AFF3: variants seen among roughly 807,000 people sequenced by gnomAD.
The protein encoded by AFF3 is AF4/FMR2 family member 3.
AFF3 carries 32 observed loss-of-function variants against 129.7 expected under a neutral mutation model. The observed-to-expected ratio is 0.25, with a 90% CI of 0.19 to 0.33. The LOEUF is 0.33. AFF3 is among the 10% of genes least tolerant of loss of function. The probability of loss-of-function intolerance (pLI) is 1.00; values close to 1 mark genes in which losing one functional copy is unlikely to be tolerated. For missense variants in AFF3, 1,373 were observed against 1,592.0 expected (o/e 0.86, Z 2.34); for synonymous variants, 644 against 635.4 (o/e 1.01, Z -0.20).
intron 4 of AFF3, among the ~76,000 whole-genome samples, chr2:100,083,541 G>C (rs1339235086): frequency 6.6e-6 from 1 of 152,180 alleles, no homozygotes; most frequent in Non-Finnish European, 1.5e-5. Context: ...TTTGCTGCTA[G>C]AAACACTCAC....
At chr2:99,952,873 T>G (rs938494876) in intron 7 of AFF3, among the ~76,000 whole-genome samples, 1 of 152,226 alleles carries the variant, frequency 6.6e-6, no homozygotes, top group Non-Finnish European at 1.5e-5. Flanking sequence ...ACTTACTATG[T>G]GACCACAGGT....
At chr2:99,666,873 C>T (rs1465303436) in intron 12 of AFF3, among the ~76,000 whole-genome samples, 1 of 152,116 alleles carries the variant, frequency 6.6e-6, no homozygotes, top group East Asian at 1.9e-4. Flanking sequence ...AATGTACACA[C>T]ACCAACTAAC....
Position 99,546,482 on chromosome 2 carries a change from A to G in AFF3, c.*4992T>C, listed in dbSNP as rs1035331986. On this transcript the variant is annotated 3_prime_UTR_variant, in exon 25 of 25. Coordinates refer to ENST00000672756, the MANE Select transcript of AFF3 (RefSeq NM_001386135.1). The stretch of plus-strand genomic sequence containing the variant: ...TCTCTAGACACGAGTGAGTTATGTC[A>G]GATGGTATAATGGGAAAAAGACAAA... The G allele has an allele frequency of 2.1e-5, 5 of 232,936 alleles. No homozygotes were observed. The highest frequency in any genetic ancestry group is 6.6e-5 in the African/African-American group (3 of 45,340). 14.4% of individuals were successfully genotyped at this position (232,936 alleles called of 1,614,324 possible).
intron 11 of AFF3, among the ~76,000 whole-genome samples, chr2:99,682,462 T>C (rs1467192949): frequency 6.6e-6 from 1 of 152,190 alleles, no homozygotes; most frequent in Non-Finnish European, 1.5e-5. Flanking sequence ...CCACGAGGCA[T>C]TTTAGAATTC....
intron 7 of AFF3, among the ~76,000 whole-genome samples, chr2:99,923,330 T>C (rs1425296515): frequency 1.3e-5 from 2 of 152,274 alleles, no homozygotes; most frequent in African/African-American, 2.4e-5. Context: ...GAATCACATT[T>C]GTGATGCTTA....
intron 13 of AFF3, among the ~76,000 whole-genome samples, chr2:99,642,204 T>G (rs1684269665): frequency 6.6e-6 from 1 of 152,178 alleles, no homozygotes; most frequent in East Asian, 1.9e-4. Context: ...TACAAGAGAC[T>G]TCTCGATAGC....
At chr2:99,832,890 C>A (rs1309697849) in intron 8 of AFF3, among the ~76,000 whole-genome samples, 1 of 152,116 alleles carries the variant, frequency 6.6e-6, no homozygotes, top group Non-Finnish European at 1.5e-5. Context: ...CATTTCATCA[C>A]TAATGATGAA....
intron 7 of AFF3, among the ~76,000 whole-genome samples, chr2:99,966,181 G>A (rs1333189532): frequency 3.3e-5 from 5 of 151,986 alleles, no homozygotes; most frequent in Non-Finnish European, 7.4e-5. Context: ...GTTTCCTAAT[G>A]CCCAGTGCTC....
At chr2:99,725,750 G>A (rs1200376424) in intron 11 of AFF3, among the ~76,000 whole-genome samples, 1 of 152,198 alleles carries the variant, frequency 6.6e-6, no homozygotes, top group Non-Finnish European at 1.5e-5. Flanking sequence ...AATGTAGGAT[G>A]CTAGTCACTT....
intron 18 of AFF3, among the ~76,000 whole-genome samples, chr2:99,578,117 C>A (rs1402328310): frequency 6.6e-6 from 1 of 152,148 alleles, no homozygotes; most frequent in Non-Finnish European, 1.5e-5. Flanking sequence ...ATTATTCCGT[C>A]TACCCAAAAA....
At position 99,649,618 on chromosome 2, in the gene AFF3, A is replaced by G. The variant is rs541127839; in HGVS notation, c.1184+8T>C. 1 of 1,613,784 alleles carries G rather than the reference A, an allele frequency of 6.2e-7. No individual in the cohort carries two copies. The highest frequency in any genetic ancestry group is 1.7e-5 in the Admixed American group (1 of 59,986). On this transcript the variant is annotated splice_region_variant and intron_variant, in intron 13 of 24. Coordinates refer to ENST00000672756, the MANE Select transcript of AFF3 (RefSeq NM_001386135.1). Reference sequence around the variant, plus strand: ...CAATTTATAGTTCATAAAAATGACAAAATGTACCTGTCAGAGAGAGCGCGG... The same window carrying G: ...CAATTTATAGTTCATAAAAATGACAGAATGTACCTGTCAGAGAGAGCGCGG...
chr2:99,676,200 T>C (rs1009904054), intron 11 of AFF3, among the ~76,000 whole-genome samples: 9 of 152,116 alleles, frequency 5.9e-5, no homozygotes, highest in Admixed American at 5.2e-4. Context: ...CACGTTCCCT[T>C]AGCCCCTCCC....
rs182455340 is a variant in AFF3, at chr2:99,670,293, T to G, written c.1143+2245A>C. Among the ~76,000 whole-genome samples the G allele has an allele frequency of 4.0e-4, 61 of 152,248 alleles. 1 individual carries two copies. The East Asian group carries it at 7.5e-3, about 19-fold the overall frequency. ...GGAAGGGCAGGCAGGTATAGCAACT[T>G]GAAGCTCTTGTAGACACCTCTTTAT... On this transcript the variant is annotated intron_variant, in intron 12 of 24. Transcript: ENST00000672756.
intron 4 of AFF3, among the ~76,000 whole-genome samples, chr2:100,095,543 CCTA>C (rs755170020): frequency 6.6e-6 from 1 of 152,204 alleles, no homozygotes; most frequent in Non-Finnish European, 1.5e-5. Flanking sequence ...TTAAATTTGC[CCTA>C]CTATTCGTGA....
intron 8 of AFF3, among the ~76,000 whole-genome samples, chr2:99,836,288 T>C (rs1005628239): frequency 1.1e-4 from 17 of 152,216 alleles, no homozygotes; most frequent in Admixed American, 4.6e-4. Flanking sequence ...TGAAAGTATG[T>C]TGAAAGAGAA....
intron 12 of AFF3, among the ~76,000 whole-genome samples, chr2:99,656,394 A>C (rs1158933231): frequency 6.6e-6 from 1 of 152,218 alleles, no homozygotes; most frequent in Non-Finnish European, 1.5e-5. Flanking sequence ...GATTTTAATC[A>C]GCTTGTTGCA....
chr2:100,071,375 C>CT (rs780269770), intron 4 of AFF3, among the ~76,000 whole-genome samples: 2 of 152,146 alleles, frequency 1.3e-5, no homozygotes, highest in Non-Finnish European at 2.9e-5. Flanking sequence ...GAATTCTGAG[C>CT]TTTTTATGTG....
intron 7 of AFF3, among the ~76,000 whole-genome samples, chr2:99,915,760 T>C (rs1301593538): frequency 6.6e-6 from 1 of 152,192 alleles, no homozygotes; most frequent in Non-Finnish European, 1.5e-5. Flanking sequence ...TTCTGGGTAG[T>C]ACACACCCAG....
chr2:99,792,427 G>A (rs1685259207), intron 8 of AFF3, among the ~76,000 whole-genome samples: 1 of 152,154 alleles, frequency 6.6e-6, no homozygotes, highest in African/African-American at 2.4e-5. Flanking sequence ...AGCCGTGATT[G>A]AGCTGCTGCA....
Sources: gnomAD v4.1 joint callset for allele counts (sites outside exome capture counted in the v4.1 genomes callset) on GRCh38, gnomAD v4.1.1 for gene constraint, MANE v1.5 for transcripts, NCBI Gene and HGNC (gene_info 2026-07-23, HGNC 2026-07-21) for gene names.